Variants in C8A observed in about 807,000 individuals in gnomAD.
The protein encoded by C8A is complement component C8 alpha chain.
Under a neutral mutation model 65.3 loss-of-function variants are expected in C8A, and 67 were observed. The observed-to-expected ratio is 1.03, with a 90% CI of 0.84 to 1.26. The LOEUF is 1.26. Ranked by LOEUF, C8A falls within the 50% of genes most tolerant of loss-of-function variation. The pLI, the probability that C8A is intolerant of heterozygous loss-of-function variation, is 0.00. For synonymous variants in C8A, 290 were observed against 259.4 expected, an observed-to-expected ratio of 1.12 and a Z score of -1.13; for missense variants, 781 against 723.9, an observed-to-expected ratio of 1.08 and a Z score of -0.90.
At chr1:56,895,403 G>T (rs1321544930) in intron 7 of C8A, among the ~76,000 whole-genome samples, 1 of 152,096 alleles carries the variant, frequency 6.6e-6, no homozygotes, top group African/African-American at 2.4e-5. Context: ...GTGATTTTCT[G>T]TTAAATAGCT....
chr1:56,887,196 T>C (rs1445033270), intron 7 of C8A, among the ~76,000 whole-genome samples: 1 of 152,208 alleles, frequency 6.6e-6, no homozygotes, highest in Admixed American at 6.5e-5. Context: ...CCACACTAGG[T>C]AGTCTTTAAA....
intron 2 of C8A, among the ~76,000 whole-genome samples, chr1:56,869,438 GT>G (rs1644121531): frequency 6.6e-6 from 1 of 152,168 alleles, no homozygotes; most frequent in Admixed American, 6.5e-5. Flanking sequence ...CATTTGGGTT[GT>G]TTCCATAGTT....
At chr1:56,880,250 C>T (rs1644237231) in intron 4 of C8A, among the ~76,000 whole-genome samples, 1 of 152,028 alleles carries the variant, frequency 6.6e-6, no homozygotes, top group Admixed American at 6.6e-5. Flanking sequence ...ATGGTAAAAC[C>T]ATCCATATCC....
intron 6 of C8A, among the ~76,000 whole-genome samples, chr1:56,885,555 G>GTTTTTTTTTTTTT (rs201414278): frequency 7.8e-6 from 1 of 127,844 alleles, no homozygotes; most frequent in Non-Finnish European, 1.6e-5. Flanking sequence ...TTTCTTTTTT[G>GTTTTTTTTTTTTT]TTTTTTTTTG....
At chr1:56,909,045 C>A (rs1360064333) in intron 9 of C8A, among the ~76,000 whole-genome samples, 2 of 152,230 alleles carry the variant, frequency 1.3e-5, no homozygotes, top group Non-Finnish European at 2.9e-5. Flanking sequence ...ACAGACCCCA[C>A]AGCAAAGAAA....
At chr1:56,908,932 G>A (rs1331356145) in intron 9 of C8A, among the ~76,000 whole-genome samples, 1 of 152,188 alleles carries the variant, frequency 6.6e-6, no homozygotes, top group East Asian at 1.9e-4. Context: ...GTCTGGAGAT[G>A]TTTTTGATAT....
intron 4 of C8A, among the ~76,000 whole-genome samples, chr1:56,878,425 C>G (rs1230968561): frequency 6.6e-6 from 1 of 152,106 alleles, no homozygotes; most frequent in Non-Finnish European, 1.5e-5. Context: ...GAAAAATAAT[C>G]CCTTCCTTAT....
In C8A at chr1:56,917,823, T is replaced by C. The variant is rs1412102099; in HGVS notation, c.*107T>C. Reference sequence around the variant, plus strand: ...AGAGAAGATGCAAATCAGCACACTTTTTTCTTTGTTCTGCCAGCTTCCAGG... The same window carrying C: ...AGAGAAGATGCAAATCAGCACACTTCTTTCTTTGTTCTGCCAGCTTCCAGG... On this transcript the variant is annotated 3_prime_UTR_variant, in exon 11 of 11. Coordinates refer to ENST00000361249, the MANE Select transcript of C8A (RefSeq NM_000562.3). The C allele has an allele frequency of 8.6e-6, 12 of 1,396,692 alleles. No homozygotes were observed. Among genetic ancestry groups the C allele is most frequent in the Non-Finnish European group, 1.2e-5 (12 of 1,003,314 alleles). 86.5% of individuals were successfully genotyped at this position (1,396,692 alleles called of 1,614,324 possible).
chr1:56,891,548 A>G (rs1044080818), intron 7 of C8A, among the ~76,000 whole-genome samples: 3 of 152,288 alleles, frequency 2.0e-5, no homozygotes, highest in East Asian at 1.9e-4. Context: ...AATTAGGGGC[A>G]TTGCTGATGT....
chr1:56,912,685 A>G (rs2101311615), intron 10 of C8A, 60 bp downstream of exon 10: 1 of 1,528,560 alleles, frequency 6.5e-7, no homozygotes, highest in African/African-American at 1.4e-5. Context: ...GGCCAGTGCA[A>G]AAAGGACTTT....
Position 56,867,606 on chromosome 1 carries a change from T to C in C8A, c.78-3T>C. Reference sequence around the variant, plus strand: ...TTGATGCATGGATCTTCCCTTTCTTTAGGAGAGTAAGACGGGCAGCTACAC... The same window carrying C: ...TTGATGCATGGATCTTCCCTTTCTTCAGGAGAGTAAGACGGGCAGCTACAC... On this transcript the variant is annotated splice_polypyrimidine_tract_variant and splice_region_variant and intron_variant, in intron 1 of 10. Transcript: ENST00000361249. 6.2e-7 allele frequency: 1 copy of C among 1,611,366 alleles called. No homozygotes were observed. The highest frequency in any genetic ancestry group is 8.5e-7 in the Non-Finnish European group (1 of 1,177,648).
At chr1:56,905,378 G>A (rs1644456591) in intron 7 of C8A, among the ~76,000 whole-genome samples, 1 of 152,162 alleles carries the variant, frequency 6.6e-6, no homozygotes, top group Admixed American at 6.5e-5. Context: ...TTGAATTTAG[G>A]ACTTATGACT....
intron 9 of C8A, among the ~76,000 whole-genome samples, chr1:56,910,967 G>A (rs573742488): frequency 1.3e-5 from 2 of 151,500 alleles, no homozygotes; most frequent in African/African-American, 4.9e-5. Context: ...TAAAATGAGA[G>A]ATCTGGAGAA....
intron 4 of C8A, 54 bp downstream of exon 4, chr1:56,876,263 G>T: frequency 3.1e-6 from 5 of 1,607,330 alleles, no homozygotes; most frequent in Admixed American, 1.7e-5. Context: ...GTCTTCAATC[G>T]TGAGCATTAG....
At chr1:56,865,835 T>C (rs1382227362) in intron 1 of C8A, among the ~76,000 whole-genome samples, 2 of 152,212 alleles carry the variant, frequency 1.3e-5, no homozygotes, top group East Asian at 3.8e-4. Context: ...AGGTTTGATG[T>C]TTAGATATTA....
Position 56,912,571 on chromosome 1 carries a change from T to C in C8A, c.1549T>C (p.Cys517Arg). Residue 517 changes from cysteine to arginine, a missense_variant, in exon 10 of 11, where the codon TGC (cysteine) becomes CGC (arginine). Cys to Arg is a radical substitution (Grantham distance 180). Transcript: ENST00000361249. ...CATCCTCGAGGGCACCAGCTGCAGG[T>C]GCCAGTGCCGCCTGGGTAGCTTGGG... is the stretch of plus-strand genomic sequence containing the variant. ...VPILEGTSCR[C>R]QCRLGSLGAA... 6.2e-7 allele frequency: 1 copy of C among 1,614,184 alleles called. No individual in the cohort carries two copies.
At chr1:56,912,090 C>T (rs1181326553) in intron 9 of C8A, among the ~76,000 whole-genome samples, 2 of 152,204 alleles carry the variant, frequency 1.3e-5, no homozygotes, top group Non-Finnish European at 2.9e-5. Flanking sequence ...ATGTGCCTCA[C>T]GTCCTAGCTG....
In C8A at chr1:56,872,380, T is replaced by C. The variant is rs537837233; in HGVS notation, c.172-2569T>C. On this transcript the variant is annotated intron_variant, in intron 2 of 10. Transcript: ENST00000361249. ...CTGGATATCTACTCAGTGCTGGCCA[T>C]GTTAAAAAGTCTGAGATGCTTTCCT... Among the ~76,000 whole-genome samples, 171 of 152,300 alleles carry C rather than the reference T, an allele frequency of 1.1e-3. 3 individuals are homozygous for C. The South Asian group carries it at 0.013, about 11-fold the overall frequency.
intron 1 of C8A, among the ~76,000 whole-genome samples, chr1:56,865,053 T>C (rs868420175): frequency 7.2e-5 from 11 of 152,294 alleles, no homozygotes; most frequent in African/African-American, 2.4e-4. Flanking sequence ...AAAGTCCTTC[T>C]AGAAACAGTA....
Sources: gnomAD v4.1 joint callset for allele counts (sites outside exome capture counted in the v4.1 genomes callset) on GRCh38, gnomAD v4.1.1 for gene constraint, MANE v1.5 for transcripts, NCBI Gene and HGNC (gene_info 2026-07-23, HGNC 2026-07-21) for gene names.